The following ZXDC variants were observed in gnomAD, a reference collection of about 807,000 sequenced individuals.
ZXDC encodes ZXD family zinc finger C.
In ZXDC, 58 loss-of-function variants were observed where a neutral mutation model predicts 63.6. That is an observed-to-expected ratio of 0.91 (90% CI 0.74 to 1.13). ZXDC has a LOEUF of 1.13. Among genes scored for constraint, ZXDC ranks in the 50% most tolerant of loss-of-function variants. The pLI is 0.00. For synonymous variants in ZXDC, 561 were observed against 496.1 expected (o/e 1.13, Z -1.74); for missense variants, 1,133 against 1,148.9 (o/e 0.99, Z 0.20).
Position 126,441,953 on chromosome 3 carries a change from T to C in ZXDC, c.2213-7A>G. ...TGAGTAGACTGTGAGGCTCCTAAAA[T>C]GAAATATAAAAACGAGCACACCCAA... is the stretch of plus-strand genomic sequence containing the variant. On this transcript the variant is annotated splice_polypyrimidine_tract_variant and splice_region_variant and intron_variant, in intron 7 of 9. Transcript: ENST00000389709. The C allele has an allele frequency of 2.5e-6, 4 of 1,585,216 alleles. No individual in the cohort carries two copies. Among genetic ancestry groups the C allele is most frequent in the Non-Finnish European group, 3.4e-6 (4 of 1,164,290 alleles).
intron 5 of ZXDC, among the ~76,000 whole-genome samples, 175 bp downstream of exon 5, chr3:126,465,980 G>A (rs1404789802): frequency 6.6e-6 from 1 of 152,148 alleles, no homozygotes; most frequent in African/African-American, 2.4e-5. Context: ...GGATTAGAGG[G>A]TCAAAGGCAA....
chr3:126,456,301 ATGTC>A (rs1934306321), intron 7 of ZXDC, among the ~76,000 whole-genome samples: 1 of 152,226 alleles, frequency 6.6e-6, no homozygotes, highest in Non-Finnish European at 1.5e-5. Flanking sequence ...CCTGGTAAGA[ATGTC>A]TGTCTAACTG....
intron 4 of ZXDC, among the ~76,000 whole-genome samples, chr3:126,468,469 TC>T (rs563128717): frequency 3.0e-3 from 452 of 152,174 alleles, no homozygotes; most frequent in Middle Eastern, 6.8e-3. Flanking sequence ...GGTTCTGGGC[TC>T]CTCCCACCAG....
chr3:126,472,121 G>A (rs749687086), intron 2 of ZXDC, 32 bp downstream of exon 2: 2 of 1,608,932 alleles, frequency 1.2e-6, no homozygotes, highest in South Asian at 2.2e-5. Context: ...CAAATCTTGG[G>A]TCCAAATGCT....
chr3:126,465,607 T>C (rs4679245), intron 5 of ZXDC, among the ~76,000 whole-genome samples: 86,993 of 152,060 alleles, frequency 0.57, 26,504 homozygotes, highest in South Asian at 0.74. Flanking sequence ...AGGGGACATA[T>C]GCTAGGGAAA....
chr3:126,457,653 T>C lies in ZXDC; in HGVS notation c.2212+2000A>G, dbSNP rs1234906420. 6 of 985,308 alleles carry C rather than the reference T, an allele frequency of 6.1e-6. No individual in the cohort carries two copies. In the East Asian group the frequency reaches 6.8e-4, roughly 112 times the overall value. The allele number at this position is 985,308 out of a possible 1,614,324, so 61.0% of individuals were successfully genotyped here. ...TCACACAGATTCAAACATCATGAAC[T>C]GCACCTCAGGGTAAAAAAACGAGAA... On this transcript the variant is annotated intron_variant, in intron 7 of 9. Coordinates refer to ENST00000389709, the MANE Select transcript of ZXDC (RefSeq NM_025112.5).
intron 3 of ZXDC, 88 bp downstream of exon 3, chr3:126,471,885 G>A: frequency 1.8e-6 from 2 of 1,138,658 alleles, no homozygotes; most frequent in Non-Finnish European, 1.2e-6. Context: ...CTTAAAAAAT[G>A]TCTACAGATA....
intron 7 of ZXDC, 59 bp from the exon 8 acceptor site, chr3:126,442,005 C>CCTG: frequency 6.7e-7 from 1 of 1,488,422 alleles, no homozygotes; most frequent in Non-Finnish European, 8.9e-7. Flanking sequence ...CAGGTCTGCC[C>CCTG]TTACCAAGGT....
intron 7 of ZXDC, among the ~76,000 whole-genome samples, chr3:126,449,312 C>T (rs904550004): frequency 1.3e-5 from 2 of 152,216 alleles, no homozygotes; most frequent in South Asian, 2.1e-4. Context: ...CCTCCCGCCT[C>T]GGCCTCTCGA....
At chr3:126,453,481 G>T in intron 7 of ZXDC, 1 of 985,418 alleles carries the variant, frequency 1.0e-6, no homozygotes, top group South Asian at 4.7e-5. Flanking sequence ...TACATCCCTT[G>T]TGTTCCATAT....
chr3:126,475,671 G>T lies in ZXDC; in HGVS notation c.195C>A (p.Pro65=), dbSNP rs1323079780. 11 of 1,415,306 alleles carry T rather than the reference G, an allele frequency of 7.8e-6. No homozygotes were observed. The highest frequency in any genetic ancestry group is 1.0e-5 in the Non-Finnish European group (11 of 1,080,760). 87.7% of individuals were successfully genotyped at this position (1,415,306 alleles called of 1,614,324 possible). A position where few individuals can be genotyped will look rare whatever the true frequency, so the allele number is the denominator to read the frequency against. Residue 65 remains proline, a synonymous_variant, in exon 1 of 10, where the codon CCC becomes CCA. Coordinates refer to ENST00000389709, the MANE Select transcript of ZXDC (RefSeq NM_025112.5). ...AGTCGCCGTCGCTGTCGTCCTCGGC[G>T]GGCGGCGGGCTTGGCCCGGAGGCCT... The part of the protein sequence containing the change: ...PGEASGPSPP[P]AEDDSDGDSF...
intron 2 of ZXDC, 46 bp from the exon 3 acceptor site, chr3:126,472,097 A>C: frequency 6.2e-7 from 1 of 1,609,738 alleles, no homozygotes; most frequent in Non-Finnish European, 8.5e-7. Flanking sequence ...CAACTCCAAC[A>C]GCTACGATGA....
intron 1 of ZXDC, among the ~76,000 whole-genome samples, chr3:126,473,642 A>G (rs2107661545): frequency 6.6e-6 from 1 of 152,374 alleles, no homozygotes; most frequent in South Asian, 2.1e-4. Flanking sequence ...CTCAAGCCAC[A>G]TTCTCTCTGA....
intron 1 of ZXDC, among the ~76,000 whole-genome samples, chr3:126,474,128 G>C (rs1221805914): frequency 6.7e-6 from 1 of 149,536 alleles, no homozygotes; most frequent in Non-Finnish European, 1.5e-5. Context: ...GCAGTGGCGC[G>C]ATCTCGGCTC....
At chr3:126,450,631 T>C (rs1260607957) in intron 7 of ZXDC, 6 of 425,222 alleles carry the variant, frequency 1.4e-5, no homozygotes, top group African/African-American at 1.0e-4. Context: ...TACCCGCATC[T>C]CCCTTCCTGC....
intron 1 of ZXDC, among the ~76,000 whole-genome samples, chr3:126,473,261 A>C (rs1349257607): frequency 3.3e-5 from 5 of 151,758 alleles, no homozygotes; most frequent in Non-Finnish European, 7.4e-5. Flanking sequence ...AGAACCCCCC[A>C]CACCCCCATA....
At chr3:126,468,953 T>C (rs1053256879) in intron 4 of ZXDC, among the ~76,000 whole-genome samples, 3 of 152,178 alleles carry the variant, frequency 2.0e-5, no homozygotes, top group Admixed American at 6.5e-5. Flanking sequence ...TAGGTCCTTT[T>C]TAAGAAAATC....
intron 4 of ZXDC, among the ~76,000 whole-genome samples, chr3:126,467,804 G>C (rs75769933): frequency 6.6e-6 from 1 of 151,998 alleles, no homozygotes; most frequent in Non-Finnish European, 1.5e-5. Flanking sequence ...TCCTGAGCAC[G>C]GATTTCTAGA....
intron 7 of ZXDC, among the ~76,000 whole-genome samples, chr3:126,446,173 C>T (rs1933875264): frequency 6.6e-6 from 1 of 152,160 alleles, no homozygotes; most frequent in Non-Finnish European, 1.5e-5. Context: ...AATCATTATC[C>T]AAAATGCTTG....
Sources: allele counts gnomAD v4.1 joint callset (sites outside exome capture counted in the v4.1 genomes callset), GRCh38; gene constraint gnomAD v4.1.1; transcripts MANE v1.5; gene names NCBI Gene and HGNC (gene_info 2026-07-23, HGNC 2026-07-21).